Variants in TNRC6B observed in about 807,000 individuals in gnomAD.
TNRC6B encodes the protein trinucleotide repeat-containing gene 6B protein.
TNRC6B carries 52 observed loss-of-function variants against 203.6 expected under a neutral mutation model. The observed-to-expected ratio is 0.26, with a 90% CI of 0.20 to 0.32. The LOEUF is 0.32. Among genes scored for constraint, TNRC6B ranks in the 10% least tolerant of loss-of-function variants. The pLI, the probability that TNRC6B is intolerant of heterozygous loss-of-function variation, is 1.00. For synonymous variants in TNRC6B, 838 were observed against 845.7 expected (o/e 0.99, Z 0.16); for missense variants, 1,923 against 2,286.2 (o/e 0.84, Z 3.24).
chr22:40,183,210 A>G (rs1267379321), intron 1 of TNRC6B, among the ~76,000 whole-genome samples: 1 of 152,180 alleles, frequency 6.6e-6, no homozygotes, highest in Non-Finnish European at 1.5e-5. Flanking sequence ...GAAATGCTAT[A>G]TGTGAGGGCT....
At chr22:40,205,343 A>C (rs973211978) in intron 1 of TNRC6B, among the ~76,000 whole-genome samples, 2 of 152,230 alleles carry the variant, frequency 1.3e-5, no homozygotes, top group Non-Finnish European at 2.9e-5. Flanking sequence ...ACCAGTACTG[A>C]AAAGGGATTA....
Position 40,265,159 on chromosome 22 carries a change from C to T in TNRC6B, c.929C>T (p.Ala310Val), listed in dbSNP as rs777899813. ...TTTAACCCAAATAGCAACCCATCTG[C>T]CTGGCCAGCACTGGTCCAAGAAGGA... ...SNFNPNSNPS[A>V]WPALVQEGTS... is the part of the protein sequence containing the mutation. The change falls in exon 5 of 23, where the codon GCC becomes GTC. Residue 310 changes from alanine to valine, a missense_variant. Physicochemically the swap from Ala to Val is moderately conservative, Grantham distance 64. Transcript: ENST00000454349. The T allele has an allele frequency of 6.2e-7, 1 of 1,613,844 alleles. No individual in the cohort carries two copies. The highest frequency in any genetic ancestry group is 1.3e-5 in the African/African-American group (1 of 74,908).
intron 1 of TNRC6B, among the ~76,000 whole-genome samples, chr22:40,237,709 C>G (rs911152866): frequency 3.9e-5 from 6 of 152,120 alleles, no homozygotes; most frequent in Non-Finnish European, 8.8e-5. Flanking sequence ...GGCCTGGTCA[C>G]TCATCTCCCA....
intron 4 of TNRC6B, among the ~76,000 whole-genome samples, chr22:40,170,162 C>T (rs2068957950): frequency 6.7e-6 from 1 of 149,586 alleles, no homozygotes. Flanking sequence ...CCTCTGGTCT[C>T]AGCTACTTGG....
intron 1 of TNRC6B, among the ~76,000 whole-genome samples, chr22:40,208,004 C>G (rs533070222): frequency 2.6e-5 from 4 of 151,228 alleles, no homozygotes; most frequent in Non-Finnish European, 5.9e-5. Flanking sequence ...GTCCCAGCTA[C>G]TCGGGAGGCT....
chr22:40,167,366 G>A (rs1656784677), intron 4 of TNRC6B, among the ~76,000 whole-genome samples: 1 of 152,110 alleles, frequency 6.6e-6, no homozygotes, highest in Non-Finnish European at 1.5e-5. Flanking sequence ...TTTATCCAAG[G>A]TACTTAGAGC....
At chr22:40,233,697 A>G (rs1290773605) in intron 1 of TNRC6B, among the ~76,000 whole-genome samples, 1 of 152,198 alleles carries the variant, frequency 6.6e-6, no homozygotes, top group Non-Finnish European at 1.5e-5. Flanking sequence ...ATGCCTTAAA[A>G]TACGTAAACT....
chr22:40,120,595 C>A (rs1046315689), intron 2 of TNRC6B, among the ~76,000 whole-genome samples: 4 of 152,048 alleles, frequency 2.6e-5, no homozygotes, highest in African/African-American at 9.7e-5. Flanking sequence ...ATTTGGAAGA[C>A]AAGGCTGATA....
intron 4 of TNRC6B, among the ~76,000 whole-genome samples, chr22:40,159,481 T>A (rs1285638417): frequency 4.7e-5 from 7 of 149,768 alleles, no homozygotes; most frequent in Non-Finnish European, 8.9e-5. Flanking sequence ...CTAGTAAAAA[T>A]ACAAAAAATT....
rs1377991499 is a variant in TNRC6B, at chr22:40,325,465, A to G, written c.*2224A>G. 5 of 152,534 alleles carry G rather than the reference A, an allele frequency of 3.3e-5. No individual in the cohort carries two copies. The highest frequency in any genetic ancestry group is 7.3e-5 in the Non-Finnish European group (5 of 68,056). The allele number at this position is 152,534 out of a possible 1,614,324, so 9.4% of individuals were successfully genotyped here. On this transcript the variant is annotated 3_prime_UTR_variant, in exon 23 of 23. Transcript: ENST00000454349. ...ATGACTCAAGTGAGTGTTCACATATACAAGCCTGCATGAGCCCTCTGTGGG... is the reference window on the plus strand; with the variant it reads ...ATGACTCAAGTGAGTGTTCACATATGCAAGCCTGCATGAGCCCTCTGTGGG...
rs115754862 is a variant in TNRC6B at position 40,286,624 on chromosome 22, A to G, written c.3708+854A>G. 2.0e-3 allele frequency among the ~76,000 whole-genome samples: 304 copies of G among 152,332 alleles called. 1 individual carries two copies. The highest frequency in any genetic ancestry group is 7.1e-3 in the African/African-American group (297 of 41,574). ...GGGGGAGTTTTAGAACTAATGAAGT[A>G]GCAGAGACTCCTGGATTCAACTCTT... is the stretch of plus-strand genomic sequence containing the variant. On this transcript the variant is annotated intron_variant, in intron 12 of 22. Coordinates refer to ENST00000454349, the MANE Select transcript of TNRC6B (RefSeq NM_001162501.2).
At chr22:40,139,218 A>ACTT (rs1340243528) in intron 3 of TNRC6B, among the ~76,000 whole-genome samples, 1 of 152,004 alleles carries the variant, frequency 6.6e-6, no homozygotes, top group Non-Finnish European at 1.5e-5. Flanking sequence ...GTGATGTGAG[A>ACTT]CTTCTTTCAG....
chr22:40,227,456 T>C (rs745857431), intron 1 of TNRC6B, among the ~76,000 whole-genome samples: 1 of 148,182 alleles, frequency 6.7e-6, no homozygotes, highest in African/African-American at 2.5e-5. Flanking sequence ...TTCAAGCAAT[T>C]CTGCTGCCTC....
rs776164567 is a variant in TNRC6B at position 40,331,671 on chromosome 22, C to CA, written c.*8440dup. 6,261 of 109,516 alleles carry CA rather than the reference C, an allele frequency of 0.057. 93 individuals carry two copies. The highest frequency in any genetic ancestry group is 0.079 in the Non-Finnish European group (4,956 of 62,850). 6.8% of individuals were successfully genotyped at this position (109,516 alleles called of 1,614,324 possible). ...TTTTTTTTTTTTTTTTTTTTTTTTT[C>CA]AAAAAAAAAAGTCCCACATGTGGTC... On this transcript the variant is annotated 3_prime_UTR_variant, in exon 23 of 23. Coordinates refer to ENST00000454349, the MANE Select transcript of TNRC6B (RefSeq NM_001162501.2).
chr22:40,205,085 C>T (rs188380749), intron 1 of TNRC6B, among the ~76,000 whole-genome samples: 9 of 152,328 alleles, frequency 5.9e-5, no homozygotes, highest in African/African-American at 2.2e-4. Context: ...CAGGTGTGTT[C>T]CACAGATGTG....
chr22:40,268,916 A>AAATAAT (rs150587701), intron 5 of TNRC6B, among the ~76,000 whole-genome samples: 81 of 148,758 alleles, frequency 5.4e-4, no homozygotes, highest in Admixed American at 9.4e-4. Flanking sequence ...CCGTCTCAAA[A>AAATAAT]AATAATAATA....
At chr22:40,150,413 A>C (rs953134137) in intron 3 of TNRC6B, among the ~76,000 whole-genome samples, 1 of 152,212 alleles carries the variant, frequency 6.6e-6, no homozygotes, top group African/African-American at 2.4e-5. Context: ...GATTTCAGCA[A>C]GCATAAATCC....
chr22:40,115,511 G>T (rs1194071590), intron 1 of TNRC6B, among the ~76,000 whole-genome samples: 1 of 152,146 alleles, frequency 6.6e-6, no homozygotes, highest in Non-Finnish European at 1.5e-5. Context: ...GTACTGAATT[G>T]CTGGGATCCC....
chr22:40,223,981 C>T (rs191869364), intron 1 of TNRC6B, among the ~76,000 whole-genome samples: 2 of 152,156 alleles, frequency 1.3e-5, no homozygotes, highest in East Asian at 1.9e-4. Context: ...CAGTGAAAAG[C>T]GGTATCTTGG....
Sources: allele counts gnomAD v4.1 joint callset (sites outside exome capture counted in the v4.1 genomes callset), GRCh38; gene constraint gnomAD v4.1.1; transcripts MANE v1.5; gene names NCBI Gene and HGNC (gene_info 2026-07-23, HGNC 2026-07-21).